SGCZ: variants seen among roughly 807,000 people sequenced by gnomAD.
SGCZ encodes sarcoglycan zeta, also known as zeta-sarcoglycan.
SGCZ carries 40 observed loss-of-function variants against 41.3 expected under a neutral mutation model. That is an observed-to-expected ratio of 0.97 (90% CI 0.75 to 1.26). SGCZ has a LOEUF of 1.26. SGCZ is among the 50% of genes most tolerant of loss of function. The pLI is 0.00. For synonymous variants in SGCZ, 206 were observed against 137.5 expected, an observed-to-expected ratio of 1.50 and a Z score of -3.49; for missense variants, 552 against 369.8, an observed-to-expected ratio of 1.49 and a Z score of -4.04.
At chr8:14,514,717 A>G (rs994118621) in intron 2 of SGCZ, among the ~76,000 whole-genome samples, 24 of 148,704 alleles carry the variant, frequency 1.6e-4, no homozygotes, top group African/African-American at 5.9e-4. Flanking sequence ...ACATTTACAT[A>G]TATAAACATA....
chr8:14,957,561 T>C (rs560693494), intron 1 of SGCZ, among the ~76,000 whole-genome samples: 107 of 152,164 alleles, frequency 7.0e-4, no homozygotes, highest in African/African-American at 2.5e-3. Context: ...TAATTCTCAG[T>C]GAGATAAAAC....
In SGCZ at chr8:14,087,249, T is replaced by A. The variant is rs1801546785; in HGVS notation, c.*3194A>T. ...TAATAAGTAAGTACCGGATAGAAAT[T>A]TTGGAAATGTTGAACAAGGGAAGTA... On this transcript the variant is annotated 3_prime_UTR_variant, in exon 8 of 8. Coordinates refer to ENST00000382080, the MANE Select transcript of SGCZ (RefSeq NM_139167.4). Among the ~76,000 whole-genome samples the A allele has an allele frequency of 6.6e-6, 1 of 151,626 alleles. No individual in the cohort carries two copies. The highest frequency in any genetic ancestry group is 1.5e-5 in the Non-Finnish European group (1 of 67,710).
chr8:14,531,053 G>T (rs1803114211), intron 2 of SGCZ, among the ~76,000 whole-genome samples: 1 of 151,986 alleles, frequency 6.6e-6, no homozygotes, highest in South Asian at 2.1e-4. Flanking sequence ...ACGAGCTCCA[G>T]ATGGAGTCCA....
intron 1 of SGCZ, among the ~76,000 whole-genome samples, chr8:14,917,177 G>C (rs762218697): frequency 1.3e-5 from 2 of 152,050 alleles, no homozygotes; most frequent in Non-Finnish European, 2.9e-5. Flanking sequence ...ATCATAATTT[G>C]TCAGCTTTAT....
At chr8:14,664,165 C>T (rs541105964) in intron 1 of SGCZ, among the ~76,000 whole-genome samples, 12 of 152,226 alleles carry the variant, frequency 7.9e-5, no homozygotes, top group African/African-American at 2.6e-4. Flanking sequence ...TTCTTTATAG[C>T]ATAAGACACT....
rs543893520 is a variant in SGCZ, at chr8:14,557,853, A to G, written c.40-2927T>C. ...ATGAAATTGAAACAAACAAACAAAA[A>G]TACAACAGATAAATGAAACACAAAG... is the stretch of plus-strand genomic sequence containing the variant. On this transcript the variant is annotated intron_variant, in intron 1 of 7. Coordinates refer to ENST00000382080, the MANE Select transcript of SGCZ (RefSeq NM_139167.4). Among the ~76,000 whole-genome samples the G allele has an allele frequency of 8.5e-5, 13 of 152,280 alleles. No individual in the cohort carries two copies. In the East Asian group the frequency reaches 1.9e-3, roughly 23 times the overall value.
chr8:15,035,590 T>G (rs989464169), intron 1 of SGCZ, among the ~76,000 whole-genome samples: 2 of 152,042 alleles, frequency 1.3e-5, no homozygotes, highest in Non-Finnish European at 2.9e-5. Context: ...CCGAACAATA[T>G]GCTGCCTACC....
At position 14,608,729 on chromosome 8, in the gene SGCZ, G is replaced by A. The variant is rs558717903; in HGVS notation, c.40-53803C>T. ...TTGGTATGGGGGATCCACCCCCACG[G>A]CCCATACACATTCTACCAGGCCCCA... On this transcript the variant is annotated intron_variant, in intron 1 of 7. Transcript: ENST00000382080. Among the ~76,000 whole-genome samples, 5 of 151,664 alleles carry A rather than the reference G, an allele frequency of 3.3e-5. No homozygotes were observed. In the East Asian group the frequency reaches 7.9e-4, roughly 24 times the overall value.
Position 14,835,577 on chromosome 8 carries a change from G to T in SGCZ, c.40-280651C>A, listed in dbSNP as rs373678316. Among the ~76,000 whole-genome samples the T allele has an allele frequency of 3.3e-5, 5 of 152,256 alleles. No individual in the cohort carries two copies. In the East Asian group the frequency reaches 5.8e-4, roughly 18 times the overall value. On this transcript the variant is annotated intron_variant, in intron 1 of 7. Coordinates refer to ENST00000382080, the MANE Select transcript of SGCZ (RefSeq NM_139167.4). ...ACCTGCTTTTCCAGATCATTAATGA[G>T]AGTGTTAAATAAGGCTGGGCCCAGT...
intron 1 of SGCZ, among the ~76,000 whole-genome samples, chr8:14,577,378 A>G (rs1585094830): frequency 1.3e-5 from 2 of 149,196 alleles, no homozygotes; most frequent in Admixed American, 1.3e-4. Context: ...AAGAAAAGAA[A>G]TATATCTTTT....
chr8:14,764,109 T>C (rs945862342), intron 1 of SGCZ, among the ~76,000 whole-genome samples: 4 of 152,152 alleles, frequency 2.6e-5, no homozygotes, highest in African/African-American at 9.7e-5. Flanking sequence ...TCAAGACTAA[T>C]GGGAACATAT....
rs749494786 is a variant in SGCZ, at chr8:14,600,247, T to C, written c.40-45321A>G. Among the ~76,000 whole-genome samples the C allele has an allele frequency of 3.9e-5, 6 of 152,300 alleles. No homozygotes were observed. In the South Asian group the frequency reaches 6.2e-4, roughly 16 times the overall value. Reference sequence around the variant, plus strand: ...ATGCATTTTCTGCATTCACCCAGGCTCTACTCCCTTGAGTGCCCTTGGACT... The same window carrying C: ...ATGCATTTTCTGCATTCACCCAGGCCCTACTCCCTTGAGTGCCCTTGGACT... On this transcript the variant is annotated intron_variant, in intron 1 of 7. Coordinates refer to ENST00000382080, the MANE Select transcript of SGCZ (RefSeq NM_139167.4).
intron 1 of SGCZ, among the ~76,000 whole-genome samples, chr8:14,571,875 A>G (rs1804564962): frequency 6.6e-6 from 1 of 152,188 alleles, no homozygotes; most frequent in South Asian, 2.1e-4. Flanking sequence ...CCAACAGCCA[A>G]TGCAGTCCAT....
intron 2 of SGCZ, among the ~76,000 whole-genome samples, chr8:14,526,567 T>C (rs1158033087): frequency 1.3e-5 from 2 of 152,164 alleles, no homozygotes; most frequent in Non-Finnish European, 2.9e-5. Context: ...TTCTACACAA[T>C]TGATAGGAAA....
At chr8:14,728,872 T>A (rs1338139146) in intron 1 of SGCZ, among the ~76,000 whole-genome samples, 1 of 152,194 alleles carries the variant, frequency 6.6e-6, no homozygotes, top group African/African-American at 2.4e-5. Flanking sequence ...ATGCTTCAAC[T>A]TGAGTGATGA....
intron 4 of SGCZ, among the ~76,000 whole-genome samples, chr8:14,219,844 C>A (rs1295089151): frequency 1.2e-5 from 1 of 82,676 alleles, no homozygotes; most frequent in Non-Finnish European, 2.2e-5. Context: ...TCTTCAAGCA[C>A]CTCGAAAATT....
intron 1 of SGCZ, among the ~76,000 whole-genome samples, chr8:14,588,963 A>C (rs1043566154): frequency 6.6e-6 from 1 of 152,142 alleles, no homozygotes; most frequent in Non-Finnish European, 1.5e-5. Context: ...TACATTTGCT[A>C]TGGTGTATGA....
chr8:14,980,533 T>C (rs1308304415), intron 1 of SGCZ, among the ~76,000 whole-genome samples: 1 of 152,194 alleles, frequency 6.6e-6, no homozygotes, highest in Admixed American at 6.5e-5. Context: ...TTAATTGGAC[T>C]TATGGTTCCA....
chr8:14,810,158 C>A (rs1053291695), intron 1 of SGCZ, among the ~76,000 whole-genome samples: 5 of 151,894 alleles, frequency 3.3e-5, no homozygotes, highest in African/African-American at 9.7e-5. Flanking sequence ...CTCTTATTAT[C>A]ATGGCATGTT....
Sources: gnomAD v4.1 joint callset for allele counts (sites outside exome capture counted in the v4.1 genomes callset) on GRCh38, gnomAD v4.1.1 for gene constraint, MANE v1.5 for transcripts, NCBI Gene and HGNC (gene_info 2026-07-23, HGNC 2026-07-21) for gene names.